The following PCDHGA8 variants were observed in gnomAD, a reference collection of about 807,000 sequenced individuals.
The protein encoded by PCDHGA8 is protocadherin gamma subfamily A, 8.
In PCDHGA8, 45 loss-of-function variants were observed where a neutral mutation model predicts 59.2. The ratio of observed to expected loss-of-function variants is 0.76; its 90% confidence interval spans 0.60 to 0.98. The LOEUF is 0.98. Ranked by LOEUF, PCDHGA8 falls within the 50% of genes least tolerant of loss-of-function variation. PCDHGA8 has a pLI of 0.00. For missense variants in PCDHGA8, 1,257 were observed against 1,196.2 expected (o/e 1.05, Z -0.75); for synonymous variants, 531 against 519.0 (o/e 1.02, Z -0.32).
chr5:141,507,631 C>A (rs1435446169), intron 3 of PCDHGA8, among the ~76,000 whole-genome samples: 1 of 152,236 alleles, frequency 6.6e-6, no homozygotes, highest in Non-Finnish European at 1.5e-5. Context: ...TGTGGCCTTG[C>A]GCCCTGAGGC....
At position 141,449,665 on chromosome 5, in the gene PCDHGA8, G is replaced by T. The variant is rs144213743; in HGVS notation, c.2425-45142G>T. 9.3e-5 allele frequency among the ~76,000 whole-genome samples: 14 copies of T among 150,156 alleles called. No individual in the cohort carries two copies. In the East Asian group the frequency reaches 2.7e-3, roughly 29 times the overall value. Reference sequence around the variant, plus strand: ...TATACATATTTACATACACACCCAAGTGTGTATGTATATATGTTTGTGTGT... The same window carrying T: ...TATACATATTTACATACACACCCAATTGTGTATGTATATATGTTTGTGTGT... On this transcript the variant is annotated intron_variant, in intron 1 of 3. Coordinates refer to ENST00000398604, the MANE Select transcript of PCDHGA8 (RefSeq NM_032088.2).
intron 1 of PCDHGA8, among the ~76,000 whole-genome samples, chr5:141,468,273 C>T (rs894110332): frequency 1.4e-5 from 2 of 144,550 alleles, no homozygotes; most frequent in Non-Finnish European, 3.0e-5. Flanking sequence ...TGTGGTGAGC[C>T]GAGACCACGC....
intron 1 of PCDHGA8, among the ~76,000 whole-genome samples, chr5:141,456,818 G>A (rs1214373156): frequency 1.3e-5 from 2 of 151,890 alleles, no homozygotes; most frequent in Admixed American, 6.6e-5. Context: ...CAAAAAATTA[G>A]CCATCGTGGT....
At chr5:141,426,726 G>A (rs916323483) in intron 1 of PCDHGA8, 2 of 448,052 alleles carry the variant, frequency 4.5e-6, no homozygotes, top group South Asian at 1.6e-5. Flanking sequence ...AGCAATTCCA[G>A]GCATTCGGTT....
chr5:141,421,473 C>T (rs907282414), intron 1 of PCDHGA8: 10 of 1,613,994 alleles, frequency 6.2e-6, no homozygotes, highest in Middle Eastern at 1.6e-4. Context: ...ATCCGCGAAG[C>T]GGCAGCTTGA....
intron 2 of PCDHGA8, among the ~76,000 whole-genome samples, chr5:141,499,326 C>G (rs1465474737): frequency 6.6e-6 from 1 of 152,156 alleles, no homozygotes; most frequent in Non-Finnish European, 1.5e-5. Flanking sequence ...TATCCCTGCT[C>G]TCTCTCAGTT....
chr5:141,477,157 C>G lies in PCDHGA8; in HGVS notation c.2425-17650C>G. ...TGGTGGAGGTTGTGGATGTGAATGA[C>G]AACGCCCCGGAGATCACAGTCACCT... is the stretch of plus-strand genomic sequence containing the variant. On this transcript the variant is annotated intron_variant, in intron 1 of 3. Transcript: ENST00000398604. This position sits in a 1 kb window ranked among gnomAD's most constrained non-coding sequence, Gnocchi z 4.9. 1 of 1,614,182 alleles carries G rather than the reference C, an allele frequency of 6.2e-7. No individual in the cohort carries two copies. Among genetic ancestry groups the G allele is most frequent in the Non-Finnish European group, 8.5e-7 (1 of 1,180,038 alleles).
At chr5:141,455,860 ATTATTTAT>A (rs145569377) in intron 1 of PCDHGA8, among the ~76,000 whole-genome samples, 26,605 of 139,696 alleles carry the variant, frequency 0.19, 2,610 homozygotes, top group Middle Eastern at 0.23. Context: ...AATTTCTTTT[ATTATTTAT>A]TTATTTATTT....
intron 1 of PCDHGA8, among the ~76,000 whole-genome samples, chr5:141,455,519 G>T (rs1439363688): frequency 1.3e-5 from 2 of 152,158 alleles, no homozygotes; most frequent in East Asian, 3.9e-4. Flanking sequence ...TCAGGGGATT[G>T]GTTTGACCAG....
chr5:141,408,176 G>C, intron 1 of PCDHGA8: 1 of 1,533,992 alleles, frequency 6.5e-7, no homozygotes, highest in South Asian at 1.2e-5. Flanking sequence ...TGGAAAAGCG[G>C]GGACCCAGCG....
Position 141,477,483 on chromosome 5 carries a change from A to G in PCDHGA8, c.2425-17324A>G. The G allele has an allele frequency of 6.2e-7, 1 of 1,614,028 alleles. No individual in the cohort carries two copies. On this transcript the variant is annotated intron_variant, in intron 1 of 3. Coordinates refer to ENST00000398604, the MANE Select transcript of PCDHGA8 (RefSeq NM_032088.2). The surrounding 1 kb of genome is among the most constrained non-coding windows in gnomAD (Gnocchi z 4.9). ...TCCGACATCAATGACAACCCTCCAC[A>G]ATCTTCTCAATCTTCCTACGACGTT...
At position 141,413,202 on chromosome 5, in the gene PCDHGA8, GGAATC is replaced by G. The variant is rs766359797; in HGVS notation, c.2424+17966_2424+17970del. 6.8e-6 allele frequency: 11 copies of G among 1,611,944 alleles called. No homozygotes were observed. The East Asian group carries it at 2.2e-4, about 33-fold the overall frequency. On this transcript the variant is annotated intron_variant, in intron 1 of 3. Coordinates refer to ENST00000398604, the MANE Select transcript of PCDHGA8 (RefSeq NM_032088.2). ...TGGCCGCTCAAAGGAATCGCTCAAAGGAATCAAAGGATTGCAGCGGGCTGGTCCTG... is the reference window on the plus strand; with the variant it reads ...TGGCCGCTCAAAGGAATCGCTCAAAGAAAGGATTGCAGCGGGCTGGTCCTG...
intron 1 of PCDHGA8, chr5:141,427,093 G>A (rs1446677593): frequency 2.2e-6 from 1 of 458,122 alleles, no homozygotes. Flanking sequence ...CAGGATGAGG[G>A]TGTCAATGCG....
chr5:141,444,920 G>A (rs2098451595), intron 1 of PCDHGA8, among the ~76,000 whole-genome samples: 1 of 152,110 alleles, frequency 6.6e-6, no homozygotes, highest in Non-Finnish European at 1.5e-5. Context: ...ACCTTTATCA[G>A]GGAAAGAGGG....
rs544860780 is a variant in PCDHGA8 at position 141,406,543 on chromosome 5, C to G, written c.2424+11306C>G. On this transcript the variant is annotated intron_variant, in intron 1 of 3. Transcript: ENST00000398604. ...AGATATTTTCTGACGAAGATTCAAA[C>G]TTCAGTTATCCACTTCCAAACCCTA... is the stretch of plus-strand genomic sequence containing the variant. Among the ~76,000 whole-genome samples, 16 of 152,288 alleles carry G rather than the reference C, an allele frequency of 1.1e-4. 1 individual carries two copies. The South Asian group carries it at 2.9e-3, about 28-fold the overall frequency.
intron 1 of PCDHGA8, chr5:141,399,297 T>A (rs370898446): frequency 6.2e-7 from 1 of 1,613,830 alleles, no homozygotes; most frequent in African/African-American, 1.3e-5. Context: ...CTTTTAAGAT[T>A]ATCTCTTCAT....
At chr5:141,419,576 G>A (rs958064613) in intron 1 of PCDHGA8, 10 of 1,611,766 alleles carry the variant, frequency 6.2e-6, no homozygotes, top group Non-Finnish European at 6.8e-6. Flanking sequence ...CGACGGCTCC[G>A]CGCTCTTCGA....
At chr5:141,399,341 C>T in intron 1 of PCDHGA8, 2 of 1,613,938 alleles carry the variant, frequency 1.2e-6, no homozygotes, top group Non-Finnish European at 1.7e-6. Context: ...ACAGATGGAA[C>T]CCTAGACCGA....
At chr5:141,405,008 G>A in intron 1 of PCDHGA8, 1 of 1,614,000 alleles carries the variant, frequency 6.2e-7, no homozygotes, top group Non-Finnish European at 8.5e-7. Context: ...AGACCTGGAG[G>A]CCTCAGACCT....
Sources: gnomAD v4.1 joint callset for allele counts (sites outside exome capture counted in the v4.1 genomes callset) on GRCh38, gnomAD v4.1.1 for gene constraint, Gnocchi (gnomAD v3.1) non-coding constraint, MANE v1.5 for transcripts, NCBI Gene and HGNC (gene_info 2026-07-23, HGNC 2026-07-21) for gene names.